GYS2: variants seen among roughly 807,000 people sequenced by gnomAD.
The protein encoded by GYS2 is glycogen [starch] synthase, liver.
In GYS2, 80 loss-of-function variants were observed where a neutral mutation model predicts 85.6. The observed-to-expected ratio is 0.93, with a 90% CI of 0.78 to 1.13. The LOEUF (loss-of-function observed/expected upper bound fraction) is 1.13. Ranked by LOEUF, GYS2 falls within the 50% of genes most tolerant of loss-of-function variation. GYS2 has a pLI of 0.00. For synonymous variants in GYS2, 328 were observed against 300.7 expected (o/e 1.09, Z -0.94); for missense variants, 881 against 854.9 (o/e 1.03, Z -0.38).
chr12:21,574,070 G>A lies in GYS2; in HGVS notation c.678+74C>T, dbSNP rs1038110990. On this transcript the variant is annotated intron_variant, in intron 4 of 15. Transcript: ENST00000261195. ...ATCTGGTTGGCAGATGAAATGTACA[G>A]ATCAATACTTATCTTTCAGCTTCAG... 3 of 1,175,008 alleles carry A rather than the reference G, an allele frequency of 2.6e-6. No homozygotes were observed. In the African/African-American group the frequency reaches 4.5e-5, roughly 18 times the overall value. 72.8% of individuals were successfully genotyped at this position (1,175,008 alleles called of 1,614,324 possible).
At chr12:21,548,800 T>C (rs940882808) in intron 11 of GYS2, among the ~76,000 whole-genome samples, 7 of 152,292 alleles carry the variant, frequency 4.6e-5, no homozygotes, top group African/African-American at 1.7e-4. Context: ...ATTTGCACAA[T>C]GTGCTATTTT....
intron 4 of GYS2, among the ~76,000 whole-genome samples, chr12:21,570,537 C>G (rs891307847): frequency 6.6e-6 from 1 of 152,232 alleles, no homozygotes; most frequent in Admixed American, 6.5e-5. Flanking sequence ...ATCTTTCTAT[C>G]TCCAAATTGG....
intron 2 of GYS2, among the ~76,000 whole-genome samples, chr12:21,578,486 G>A (rs770282452): frequency 2.0e-5 from 3 of 152,172 alleles, no homozygotes; most frequent in Non-Finnish European, 2.9e-5. Flanking sequence ...ACAGCCGTGT[G>A]TATTTGTGCC....
intron 11 of GYS2, among the ~76,000 whole-genome samples, chr12:21,548,103 T>C (rs1236199608): frequency 6.6e-6 from 1 of 151,278 alleles, no homozygotes; most frequent in African/African-American, 2.4e-5. Flanking sequence ...CCTTTGTTAA[T>C]GAGTAGAAGG....
chr12:21,550,310 AAAGAACACACAC>A (rs910610300), intron 11 of GYS2, among the ~76,000 whole-genome samples: 2 of 81,122 alleles, frequency 2.5e-5, no homozygotes, highest in Admixed American at 1.7e-4. Flanking sequence ...GAGTAGACAG[AAAGAACACACAC>A]ACACACACAC....
Position 21,563,164 on chromosome 12 carries a change from T to C in GYS2, c.941+64A>G, listed in dbSNP as rs1473423. On this transcript the variant is annotated intron_variant, in intron 6 of 15. Coordinates refer to ENST00000261195, the MANE Select transcript of GYS2 (RefSeq NM_021957.4). ...AAACATTTATTATTACAATTCTGTT[T>C]TCTCTCTACCAAAGATCACTCATAT... The C allele has an allele frequency of 0.76, 894,446 of 1,184,602 alleles. 339,087 individuals are homozygous for C. Among genetic ancestry groups the C allele is most frequent in the South Asian group, 0.79 (64,895 of 82,444 alleles). 73.4% of individuals were successfully genotyped at this position (1,184,602 alleles called of 1,614,324 possible). A position where few individuals can be genotyped will look rare whatever the true frequency, so the allele number is the denominator to read the frequency against.
chr12:21,568,852 G>C lies in GYS2; in HGVS notation c.823+13C>G. ...CGGAACTGAAAGATAGGTGATCCAGGGATAATAATTACCAGGCTTTCTCTT... is the reference window on the plus strand; with the variant it reads ...CGGAACTGAAAGATAGGTGATCCAGCGATAATAATTACCAGGCTTTCTCTT... On this transcript the variant is annotated intron_variant, in intron 5 of 15. Transcript: ENST00000261195. 1 of 1,606,820 alleles carries C rather than the reference G, an allele frequency of 6.2e-7. No individual in the cohort carries two copies. Among genetic ancestry groups the C allele is most frequent in the Non-Finnish European group, 8.5e-7 (1 of 1,173,370 alleles).
intron 5 of GYS2, among the ~76,000 whole-genome samples, chr12:21,564,917 A>T (rs1468428761): frequency 6.6e-6 from 1 of 152,168 alleles, no homozygotes; most frequent in Admixed American, 6.5e-5. Flanking sequence ...CTGGATTTAG[A>T]ACCAAAGCAG....
At chr12:21,541,126 G>A (rs1356602528) in intron 13 of GYS2, among the ~76,000 whole-genome samples, 1 of 151,922 alleles carries the variant, frequency 6.6e-6, no homozygotes, top group African/African-American at 2.4e-5. Flanking sequence ...AATTTAGCCA[G>A]GTGTGGTGGT....
At chr12:21,537,784 C>T (rs1242452112) in intron 15 of GYS2, among the ~76,000 whole-genome samples, 3 of 152,034 alleles carry the variant, frequency 2.0e-5, no homozygotes, top group Non-Finnish European at 4.4e-5. Context: ...TTAATTTGCC[C>T]TTCTACTTGA....
chr12:21,571,994 AG>A (rs1286680594), intron 4 of GYS2, among the ~76,000 whole-genome samples: 3 of 1,888 alleles, frequency 1.6e-3, no homozygotes, highest in Non-Finnish European at 1.8e-3. Context: ...ATAAAATGGG[AG>A]GGGGGGTGGG....
At chr12:21,569,867 G>A (rs1306610864) in intron 4 of GYS2, among the ~76,000 whole-genome samples, 1 of 152,122 alleles carries the variant, frequency 6.6e-6, no homozygotes, top group Non-Finnish European at 1.5e-5. Context: ...CACATATTTT[G>A]CCTTCATTTT....
chr12:21,558,714 G>T (rs1016019864), intron 10 of GYS2, among the ~76,000 whole-genome samples: 3 of 152,068 alleles, frequency 2.0e-5, no homozygotes, highest in African/African-American at 7.2e-5. Context: ...TGACACATTT[G>T]TTTTATCTCC....
intron 10 of GYS2, 66 bp from the exon 11 acceptor site, chr12:21,558,379 A>G: frequency 1.0e-6 from 1 of 970,870 alleles, no homozygotes; most frequent in Non-Finnish European, 1.7e-6. Context: ...TAATTTCAAC[A>G]ATAGGTCATT....
At chr12:21,556,791 C>T (rs1488766462) in intron 11 of GYS2, among the ~76,000 whole-genome samples, 1 of 152,188 alleles carries the variant, frequency 6.6e-6, no homozygotes, top group Non-Finnish European at 1.5e-5. Context: ...ATCCATCAGT[C>T]ACTAAGGATG....
chr12:21,545,371 G>A (rs528468149), intron 12 of GYS2, among the ~76,000 whole-genome samples: 1 of 152,320 alleles, frequency 6.6e-6, no homozygotes, highest in South Asian at 2.1e-4. Flanking sequence ...GAACCCAGGA[G>A]GCGAAGGTTG....
At chr12:21,576,145 G>T in intron 2 of GYS2, 88 bp from the exon 3 acceptor site, 1 of 1,034,112 alleles carries the variant, frequency 9.7e-7, no homozygotes, top group Non-Finnish European at 1.5e-6. Context: ...TAAACTTTAT[G>T]TAGTACTCAA....
chr12:21,582,671 C>T (rs1485660184), intron 1 of GYS2, among the ~76,000 whole-genome samples: 7 of 151,702 alleles, frequency 4.6e-5, no homozygotes, highest in Non-Finnish European at 5.9e-5. Context: ...CTCTGTAGAA[C>T]CCTAATACAG....
chr12:21,542,858 C>T (rs555798336), intron 12 of GYS2, among the ~76,000 whole-genome samples: 3 of 152,172 alleles, frequency 2.0e-5, no homozygotes, highest in Non-Finnish European at 4.4e-5. Context: ...AGCCAGGGTT[C>T]GTGGTATAGC....
Sources: allele counts gnomAD v4.1 joint callset (sites outside exome capture counted in the v4.1 genomes callset), GRCh38; gene constraint gnomAD v4.1.1; transcripts MANE v1.5; gene names NCBI Gene and HGNC (gene_info 2026-07-23, HGNC 2026-07-21).